Variants in KLHL6 observed in about 807,000 individuals in gnomAD.
KLHL6 encodes the protein kelch-like protein 6.
Under a neutral mutation model 58.6 loss-of-function variants are expected in KLHL6, and 41 were observed. That is an observed-to-expected ratio of 0.70 (90% CI 0.55 to 0.91). The LOEUF (loss-of-function observed/expected upper bound fraction) is 0.91, where lower values mean the gene tolerates loss of function less well. Ranked by LOEUF, KLHL6 falls within the 40% of genes least tolerant of loss-of-function variation. KLHL6 has a pLI of 0.00. For synonymous variants in KLHL6, 338 were observed against 322.7 expected, an observed-to-expected ratio of 1.05 and a Z score of -0.51; for missense variants, 714 against 805.6, an observed-to-expected ratio of 0.89 and a Z score of 1.38.
intron 3 of KLHL6, among the ~76,000 whole-genome samples, chr3:183,502,088 G>A (rs745924008): frequency 2.0e-4 from 31 of 152,062 alleles, no homozygotes; most frequent in Admixed American, 2.6e-4. Context: ...TCAGGAGTTC[G>A]AGATCAGCCT....
At chr3:183,494,051 A>C (rs1409766297) in intron 5 of KLHL6, 28 bp downstream of exon 5, 7 of 1,586,286 alleles carry the variant, frequency 4.4e-6, no homozygotes, top group Non-Finnish European at 6.1e-6. Flanking sequence ...TAATACAGGC[A>C]GTTACTGGTA....
intron 1 of KLHL6, among the ~76,000 whole-genome samples, chr3:183,545,410 A>G (rs1712686447): frequency 6.6e-6 from 1 of 152,180 alleles, no homozygotes; most frequent in Non-Finnish European, 1.5e-5. Flanking sequence ...TTGCATATCC[A>G]TGGGTTTGAT....
rs182495360 is a variant in KLHL6 at position 183,499,359 on chromosome 3, A to T, written c.1147+231T>A. Among the ~76,000 whole-genome samples the T allele has an allele frequency of 5.0e-3, 763 of 152,256 alleles. 1 individual carries two copies. The highest frequency in any genetic ancestry group is 0.014 in the Middle Eastern group (4 of 294). On this transcript the variant is annotated intron_variant, in intron 4 of 6. Coordinates refer to ENST00000341319, the MANE Select transcript of KLHL6 (RefSeq NM_130446.4). The surrounding 1 kb of genome is among the most constrained non-coding windows in gnomAD (Gnocchi z 4.6). ...AGACGCTGTCTCAAAAAAAAAAGAA[A>T]AGAAAAGAAAAGAAAAAAATAGTAC...
At chr3:183,555,307 C>CACCTCTTCCTTGCAACTT in intron 1 of KLHL6, 54 bp downstream of exon 1, 1 of 1,514,906 alleles carries the variant, frequency 6.6e-7, no homozygotes, top group East Asian at 2.3e-5. Flanking sequence ...CACACTAACA[C>CACCTCTTCCTTGCAACTT]ACCTCTTCCT....
intron 3 of KLHL6, among the ~76,000 whole-genome samples, chr3:183,506,281 A>G (rs891773844): frequency 4.6e-5 from 7 of 152,258 alleles, no homozygotes; most frequent in African/African-American, 7.2e-5. Context: ...AAGGAGAACC[A>G]GGTAGATCCA....
In KLHL6 at chr3:183,499,899, G is replaced by C; in HGVS notation, c.910-72C>G. 2 of 1,199,086 alleles carry C rather than the reference G, an allele frequency of 1.7e-6. No individual in the cohort carries two copies. Among genetic ancestry groups the C allele is most frequent in the Non-Finnish European group, 2.3e-6 (2 of 869,334 alleles). 74.3% of individuals were successfully genotyped at this position (1,199,086 alleles called of 1,614,324 possible). On this transcript the variant is annotated intron_variant, in intron 3 of 6. Transcript: ENST00000341319. The surrounding 1 kb of genome is among the most constrained non-coding windows in gnomAD (Gnocchi z 4.6). ...CAGAGCTCGGGCTATGGAGCCATTA[G>C]GAGTCGGGTCCAATTCCCATATCTG...
intron 1 of KLHL6, among the ~76,000 whole-genome samples, chr3:183,535,082 C>T (rs1712320559): frequency 6.6e-6 from 1 of 151,792 alleles, no homozygotes; most frequent in Non-Finnish European, 1.5e-5. Context: ...GTAGCTGGGA[C>T]TACAGGCTCA....
At chr3:183,493,388 T>G (rs981789091) in intron 5 of KLHL6, 2 of 154,362 alleles carry the variant, frequency 1.3e-5, no homozygotes, top group African/African-American at 4.8e-5. Context: ...CTTTTCAGGC[T>G]GACAGTCTTG....
chr3:183,545,971 T>C (rs1214985898), intron 1 of KLHL6, among the ~76,000 whole-genome samples: 1 of 152,226 alleles, frequency 6.6e-6, no homozygotes, highest in Non-Finnish European at 1.5e-5. Context: ...ATCCAAGCGT[T>C]CGTTCACTTC....
Position 183,492,206 on chromosome 3 carries a change from G to A in KLHL6, c.1587C>T (p.Tyr529=), listed in dbSNP as rs1463095923. The A allele has an allele frequency of 1.9e-6, 3 of 1,607,716 alleles. No homozygotes were observed. The highest frequency in any genetic ancestry group is 2.6e-6 in the Non-Finnish European group (3 of 1,176,208). Residue 529 remains tyrosine, a synonymous_variant, in exon 7 of 7, where the codon TAC becomes TAT. Coordinates refer to ENST00000341319, the MANE Select transcript of KLHL6 (RefSeq NM_130446.4). This position sits in a 1 kb window ranked among gnomAD's most constrained non-coding sequence, Gnocchi z 5.9. ...AGCTGTCTTCCAGCGGGCTGTAGGC[G>A]TACAGCGCTCTCATGGCCCCACCTG... ...YVVGGAMRAL[Y]AYSPLEDSWC...
chr3:183,502,959 C>T (rs983794215), intron 3 of KLHL6, among the ~76,000 whole-genome samples: 2 of 152,138 alleles, frequency 1.3e-5, no homozygotes, highest in Admixed American at 6.5e-5. Flanking sequence ...ACGGAGCTGC[C>T]GAGTGGTGGC....
chr3:183,548,245 C>T (rs184953567), intron 1 of KLHL6, among the ~76,000 whole-genome samples: 1 of 152,316 alleles, frequency 6.6e-6, no homozygotes, highest in Admixed American at 6.5e-5. Context: ...GCCCAGCTCA[C>T]TGCAAAATAT....
chr3:183,506,242 C>A (rs1447062997), intron 3 of KLHL6, among the ~76,000 whole-genome samples: 1 of 152,176 alleles, frequency 6.6e-6, no homozygotes, highest in Non-Finnish European at 1.5e-5. Flanking sequence ...TTATAAAGTT[C>A]TGAAGAAAAA....
chr3:183,536,026 G>A (rs1382390964), intron 1 of KLHL6, among the ~76,000 whole-genome samples: 1 of 152,080 alleles, frequency 6.6e-6, no homozygotes, highest in Non-Finnish European at 1.5e-5. Context: ...TGCCCCCCTC[G>A]GGCTCCCAAA....
At chr3:183,535,511 T>C (rs1560107741) in intron 1 of KLHL6, among the ~76,000 whole-genome samples, 1 of 152,178 alleles carries the variant, frequency 6.6e-6, no homozygotes, top group Non-Finnish European at 1.5e-5. Context: ...ATAAGCTTCA[T>C]ATAACTGAGG....
chr3:183,500,363 G>A (rs558684991), intron 3 of KLHL6, among the ~76,000 whole-genome samples: 49 of 152,314 alleles, frequency 3.2e-4, no homozygotes, highest in African/African-American at 1.2e-3. Context: ...TGGCCAGGGA[G>A]GGAGGAAGGC....
chr3:183,529,507 T>C (rs546124488), intron 1 of KLHL6, among the ~76,000 whole-genome samples: 31 of 152,134 alleles, frequency 2.0e-4, no homozygotes, highest in African/African-American at 6.5e-4. Flanking sequence ...TGGAAACTTA[T>C]ATGGTACCTA....
intron 1 of KLHL6, among the ~76,000 whole-genome samples, chr3:183,551,243 G>T (rs1413591277): frequency 6.6e-6 from 1 of 152,146 alleles, no homozygotes; most frequent in Non-Finnish European, 1.5e-5. Context: ...AAGGGAGAAG[G>T]CTCCATTCAA....
chr3:183,519,895 C>CAA lies in KLHL6; in HGVS notation c.459+7948_459+7949dup, dbSNP rs56101517. ...TAGGTGACACACCAAAACCCTGTCT[C>CAA]AAAAAAAAAAAAAAAAAAAAAACAA... On this transcript the variant is annotated intron_variant, in intron 2 of 6. Transcript: ENST00000341319. 4.5e-3 allele frequency among the ~76,000 whole-genome samples: 373 copies of CAA among 82,936 alleles called. 1 individual carries two copies. The highest frequency in any genetic ancestry group is 9.2e-3 in the African/African-American group (171 of 18,636). 54.4% of individuals were successfully genotyped at this position (82,936 alleles called of 152,430 possible). A position where few individuals can be genotyped will look rare whatever the true frequency, so the allele number is the denominator to read the frequency against.
Sources: allele counts gnomAD v4.1 joint callset (sites outside exome capture counted in the v4.1 genomes callset), GRCh38; gene constraint gnomAD v4.1.1; non-coding constraint Gnocchi (gnomAD v3.1); transcripts MANE v1.5; gene names NCBI Gene and HGNC (gene_info 2026-07-23, HGNC 2026-07-21).